ARHGAP32: variants seen among roughly 807,000 people sequenced by gnomAD.
The protein encoded by ARHGAP32 is Rho GTPase activating protein 32.
ARHGAP32 carries 51 observed loss-of-function variants against 186.5 expected under a neutral mutation model. The observed-to-expected ratio is 0.27, with a 90% CI of 0.22 to 0.35. The LOEUF (loss-of-function observed/expected upper bound fraction) is 0.35, where lower values mean the gene tolerates loss of function less well. ARHGAP32 is among the 10% of genes least tolerant of loss of function. ARHGAP32 has a pLI of 1.00. For missense variants in ARHGAP32, 2,186 were observed against 2,623.5 expected (o/e 0.83, Z 3.64); for synonymous variants, 950 against 964.3 (o/e 0.99, Z 0.27).
chr11:129,023,397 A>G (rs12274338), intron 11 of ARHGAP32, among the ~76,000 whole-genome samples: 3,098 of 152,274 alleles, frequency 0.02, 54 homozygotes, highest in African/African-American at 0.044. Context: ...AGTCTACCAA[A>G]TTATTTTAAG....
At chr11:129,217,133 CTA>C (rs1451905597) in intron 1 of ARHGAP32, among the ~76,000 whole-genome samples, 3 of 151,958 alleles carry the variant, frequency 2.0e-5, no homozygotes, top group Admixed American at 6.6e-5. Context: ...TTTGTTAATG[CTA>C]TGTTATTTGG....
At chr11:129,000,218 AG>A (rs1367401027) in intron 11 of ARHGAP32, among the ~76,000 whole-genome samples, 6 of 152,220 alleles carry the variant, frequency 3.9e-5, no homozygotes, top group Non-Finnish European at 8.8e-5. Flanking sequence ...TCAAGGAAAA[AG>A]GTGAGTAAAT....
chr11:129,085,434 A>G (rs1591600188), intron 6 of ARHGAP32, among the ~76,000 whole-genome samples: 1 of 152,190 alleles, frequency 6.6e-6, no homozygotes, highest in Non-Finnish European at 1.5e-5. Flanking sequence ...TATAAGGAAA[A>G]CTACAAAACT....
chr11:129,012,169 A>C (rs1264409764), intron 11 of ARHGAP32, among the ~76,000 whole-genome samples: 2 of 152,076 alleles, frequency 1.3e-5, no homozygotes, highest in African/African-American at 4.8e-5. Flanking sequence ...GGACCAAAAA[A>C]CTCCTGCAAA....
chr11:129,070,495 C>T (rs926274928), intron 6 of ARHGAP32, among the ~76,000 whole-genome samples: 1 of 151,074 alleles, frequency 6.6e-6, no homozygotes, highest in Admixed American at 6.6e-5. Context: ...TTTAAACTTC[C>T]AAACTGACAG....
At chr11:129,019,197 T>C (rs935766075) in intron 11 of ARHGAP32, among the ~76,000 whole-genome samples, 31 of 152,256 alleles carry the variant, frequency 2.0e-4, no homozygotes, top group African/African-American at 7.2e-4. Context: ...CACCACCCAC[T>C]GACCTGCTCC....
intron 10 of ARHGAP32, among the ~76,000 whole-genome samples, chr11:129,050,044 G>T (rs760888094): frequency 1.3e-5 from 2 of 152,134 alleles, no homozygotes; most frequent in African/African-American, 4.8e-5. Flanking sequence ...ATGTCATTTT[G>T]CTTAAAGTTG....
At chr11:129,029,306 T>A (rs916096044) in intron 11 of ARHGAP32, among the ~76,000 whole-genome samples, 2 of 152,196 alleles carry the variant, frequency 1.3e-5, no homozygotes, top group East Asian at 1.9e-4. Context: ...CAAGGTTCTA[T>A]AGTGGGCAGA....
chr11:129,021,934 C>T (rs1938613894), intron 11 of ARHGAP32, among the ~76,000 whole-genome samples: 1 of 151,942 alleles, frequency 6.6e-6, no homozygotes, highest in Non-Finnish European at 1.5e-5. Context: ...AAATTCCTGA[C>T]ACTTAAAGTA....
intron 6 of ARHGAP32, among the ~76,000 whole-genome samples, chr11:129,078,474 A>G (rs1373719753): frequency 6.6e-6 from 1 of 152,136 alleles, no homozygotes; most frequent in Non-Finnish European, 1.5e-5. Context: ...ATTGCAAGAA[A>G]AATAATTCAG....
intron 1 of ARHGAP32, among the ~76,000 whole-genome samples, chr11:129,191,670 G>GCACACACACACA (rs71057930): frequency 1.4e-5 from 2 of 148,058 alleles, no homozygotes; most frequent in Non-Finnish European, 3.0e-5. Flanking sequence ...AGGCAGGCAC[G>GCACACACACACA]CACACACACA....
At chr11:129,276,270 T>C (rs1008221541) in intron 1 of ARHGAP32, among the ~76,000 whole-genome samples, 1 of 151,908 alleles carries the variant, frequency 6.6e-6, no homozygotes, top group East Asian at 1.9e-4. Flanking sequence ...AGAAGAAATC[T>C]AACACGTTCT....
At chr11:129,102,669 T>G (rs150702359) in intron 5 of ARHGAP32, among the ~76,000 whole-genome samples, 2 of 152,248 alleles carry the variant, frequency 1.3e-5, no homozygotes, top group East Asian at 3.9e-4. Flanking sequence ...AGATACCACT[T>G]CACATACATA....
intron 1 of ARHGAP32, among the ~76,000 whole-genome samples, chr11:129,167,489 A>AT (rs760853682): frequency 2.0e-4 from 31 of 152,354 alleles, no homozygotes; most frequent in Non-Finnish European, 3.1e-4. Context: ...TGAAGGATAA[A>AT]TAAGCAAAAT....
intron 11 of ARHGAP32, among the ~76,000 whole-genome samples, chr11:129,022,655 A>G (rs2134902831): frequency 6.6e-6 from 1 of 152,294 alleles, no homozygotes; most frequent in East Asian, 1.9e-4. Context: ...GTCAATCAAT[A>G]GGAGCTATTA....
At chr11:129,277,669 C>A (rs1210765828) in intron 1 of ARHGAP32, among the ~76,000 whole-genome samples, 1 of 152,182 alleles carries the variant, frequency 6.6e-6, no homozygotes, top group Non-Finnish European at 1.5e-5. Context: ...ACAATTCCAA[C>A]CTGACATTTC....
intron 1 of ARHGAP32, among the ~76,000 whole-genome samples, chr11:129,251,157 G>A (rs1024021435): frequency 1.3e-5 from 2 of 152,158 alleles, no homozygotes; most frequent in Admixed American, 6.5e-5. Flanking sequence ...TAACTCCAAA[G>A]GTGCTGATGA....
chr11:128,978,661 A>G lies in ARHGAP32; in HGVS notation c.2122+109T>C. On this transcript the variant is annotated intron_variant, in intron 19 of 22. Coordinates refer to ENST00000682385, the MANE Select transcript of ARHGAP32 (RefSeq NM_001378024.1). ...GAAGACACTCTGTATGTGTGACACA[A>G]CTGTGAACACGTTATGGAAGCAGAT... is the stretch of plus-strand genomic sequence containing the variant. 12 of 1,148,248 alleles carry G rather than the reference A, an allele frequency of 1.0e-5. No individual in the cohort carries two copies. In the South Asian group the frequency reaches 1.6e-4, roughly 15 times the overall value. 71.1% of individuals were successfully genotyped at this position (1,148,248 alleles called of 1,614,324 possible). A position where few individuals can be genotyped will look rare whatever the true frequency, so the allele number is the denominator to read the frequency against.
chr11:129,259,183 T>C (rs1368443893), intron 1 of ARHGAP32, among the ~76,000 whole-genome samples: 2 of 152,196 alleles, frequency 1.3e-5, no homozygotes, highest in African/African-American at 4.8e-5. Flanking sequence ...TAATCATGTG[T>C]AAGACAGGAT....
Sources: gnomAD v4.1 joint callset for allele counts (sites outside exome capture counted in the v4.1 genomes callset) on GRCh38, gnomAD v4.1.1 for gene constraint, MANE v1.5 for transcripts, NCBI Gene and HGNC (gene_info 2026-07-23, HGNC 2026-07-21) for gene names.